The following RIMS1 variants were observed in gnomAD, a reference collection of about 807,000 sequenced individuals.
RIMS1 encodes regulating synaptic membrane exocytosis protein 1.
A neutral mutation model predicts 214.1 loss-of-function variants in RIMS1; 83 were observed. The observed-to-expected ratio is 0.39, with a 90% CI of 0.32 to 0.47. The LOEUF (loss-of-function observed/expected upper bound fraction) is 0.47, where lower values mean the gene tolerates loss of function less well. RIMS1 is among the 20% of genes least tolerant of loss of function. The pLI is 0.99. For missense variants in RIMS1, 2,050 were observed against 2,161.8 expected, an observed-to-expected ratio of 0.95 and a Z score of 1.03; for synonymous variants, 793 against 786.8, an observed-to-expected ratio of 1.01 and a Z score of -0.13.
Position 72,305,705 on chromosome 6 carries a change from G to T in RIMS1, c.3851-1553G>T, listed in dbSNP as rs563610695. On this transcript the variant is annotated intron_variant, in intron 26 of 33. Coordinates refer to ENST00000521978, the MANE Select transcript of RIMS1 (RefSeq NM_014989.7). ...AACTCCTTATATGTTGCCAAGTAAT[G>T]AATTTCTGAACCACATTGCTCAAGC... 1.4e-3 allele frequency among the ~76,000 whole-genome samples: 208 copies of T among 152,080 alleles called. 1 individual carries two copies. The highest frequency in any genetic ancestry group is 4.5e-3 in the African/African-American group (186 of 41,496).
chr6:72,102,567 T>C (rs887191314), intron 4 of RIMS1, among the ~76,000 whole-genome samples: 1 of 152,036 alleles, frequency 6.6e-6, no homozygotes, highest in Non-Finnish European at 1.5e-5. Context: ...ATAAATGATA[T>C]GTTAGTAAAT....
chr6:72,336,801 T>C (rs2096859380), intron 29 of RIMS1, among the ~76,000 whole-genome samples: 1 of 151,842 alleles, frequency 6.6e-6, no homozygotes, highest in South Asian at 2.1e-4. Context: ...TTTTAGTGCA[T>C]AGCCTGATAT....
intron 29 of RIMS1, among the ~76,000 whole-genome samples, chr6:72,377,801 T>A (rs1292674554): frequency 2.0e-5 from 3 of 152,198 alleles, no homozygotes; most frequent in Non-Finnish European, 4.4e-5. Flanking sequence ...GAATCAAAAT[T>A]CCTCTTTACA....
intron 1 of RIMS1, among the ~76,000 whole-genome samples, chr6:71,961,496 C>T (rs556672238): frequency 1.4e-4 from 21 of 152,022 alleles, no homozygotes; most frequent in Non-Finnish European, 2.8e-4. Context: ...TTCATTATAC[C>T]CTCTTTTCTC....
chr6:72,125,396 C>T (rs750915350), intron 4 of RIMS1, among the ~76,000 whole-genome samples: 32 of 152,232 alleles, frequency 2.1e-4, no homozygotes, highest in Admixed American at 7.8e-4. Flanking sequence ...AGGTGTCAGT[C>T]GACCCCTGCT....
At chr6:71,897,821 G>T (rs187732109) in intron 1 of RIMS1, among the ~76,000 whole-genome samples, 3 of 152,080 alleles carry the variant, frequency 2.0e-5, no homozygotes, top group East Asian at 3.9e-4. Context: ...ATGGATGGAT[G>T]AATGAATGAA....
At chr6:72,324,780 AT>A (rs1564060575) in intron 28 of RIMS1, among the ~76,000 whole-genome samples, 1 of 151,862 alleles carries the variant, frequency 6.6e-6, no homozygotes. Context: ...ACTGGAACAC[AT>A]CTATGCCCAT....
chr6:72,213,099 G>A (rs1313978201), intron 6 of RIMS1: 1 of 1,536,438 alleles, frequency 6.5e-7, no homozygotes, highest in Non-Finnish European at 8.7e-7. Flanking sequence ...CTCTCAAGCT[G>A]GATTTATTTC....
intron 4 of RIMS1, among the ~76,000 whole-genome samples, chr6:72,127,737 C>G (rs1434933624): frequency 6.6e-6 from 1 of 152,154 alleles, no homozygotes; most frequent in Non-Finnish European, 1.5e-5. Context: ...TTCTTCCAAC[C>G]CAGAAATCTT....
intron 2 of RIMS1, among the ~76,000 whole-genome samples, chr6:72,026,061 C>T (rs1816345900): frequency 6.6e-6 from 1 of 152,122 alleles, no homozygotes; most frequent in Non-Finnish European, 1.5e-5. Context: ...TGCATACTGT[C>T]ACTTACTTCA....
intron 1 of RIMS1, among the ~76,000 whole-genome samples, chr6:71,894,279 T>C (rs1770929264): frequency 6.6e-6 from 1 of 152,128 alleles, no homozygotes; most frequent in East Asian, 1.9e-4. Context: ...ACCCCGTCTC[T>C]ACTAAAAATA....
intron 2 of RIMS1, among the ~76,000 whole-genome samples, chr6:72,062,730 T>C (rs1828213851): frequency 6.6e-6 from 1 of 152,156 alleles, no homozygotes; most frequent in Non-Finnish European, 1.5e-5. Context: ...ATTTGGGGAT[T>C]AGCAGGGCCA....
At position 71,973,923 on chromosome 6, in the gene RIMS1, T is replaced by TAAC. The variant is rs1451173578; in HGVS notation, c.245+4860_245+4861insAAC. On this transcript the variant is annotated intron_variant, in intron 2 of 33. Transcript: ENST00000521978. Reference sequence around the variant, plus strand: ...CCCACGCAGGTTTTCCTCATGGAGTTCTAATTGGTCAGTGTAGATAGAGCA... The same window carrying TAAC: ...CCCACGCAGGTTTTCCTCATGGAGTTAACCTAATTGGTCAGTGTAGATAGAGCA... Among the ~76,000 whole-genome samples the TAAC allele has an allele frequency of 2.4e-3, 368 of 152,188 alleles. 7 individuals are homozygous for TAAC. The highest frequency in any genetic ancestry group is 0.019 in the Admixed American group (290 of 15,280).
At chr6:72,339,743 G>A (rs373114667) in intron 29 of RIMS1, among the ~76,000 whole-genome samples, 3,242 of 151,380 alleles carry the variant, frequency 0.021, 80 homozygotes, top group African/African-American at 0.059. Context: ...CGCAATAAAC[G>A]TACGTGTGCA....
intron 2 of RIMS1, among the ~76,000 whole-genome samples, chr6:71,987,577 A>G (rs1467626420): frequency 6.6e-6 from 1 of 152,166 alleles, no homozygotes; most frequent in Non-Finnish European, 1.5e-5. Context: ...TCAGTTCACA[A>G]CAAATATCAA....
intron 4 of RIMS1, among the ~76,000 whole-genome samples, chr6:72,109,930 T>A (rs1194949151): frequency 1.3e-5 from 2 of 152,130 alleles, no homozygotes; most frequent in Non-Finnish European, 2.9e-5. Context: ...GGCTAGCCAG[T>A]TTTCCCAGCA....
intron 8 of RIMS1, among the ~76,000 whole-genome samples, chr6:72,237,443 G>A (rs2064685379): frequency 6.6e-6 from 1 of 152,090 alleles, no homozygotes; most frequent in Admixed American, 6.6e-5. Context: ...GGGAGGCCGA[G>A]GCAGGAGGAC....
chr6:72,056,823 A>G (rs1476696257), intron 2 of RIMS1, among the ~76,000 whole-genome samples: 1 of 152,240 alleles, frequency 6.6e-6, no homozygotes, highest in East Asian at 1.9e-4. Flanking sequence ...TAAATAATAA[A>G]TAGATTACCT....
chr6:72,261,919 C>A (rs1288497564), intron 19 of RIMS1: 3 of 984,736 alleles, frequency 3.0e-6, no homozygotes, highest in African/African-American at 1.7e-5. Flanking sequence ...TACTGAAGGT[C>A]AAAGCATGAA....
Sources: allele counts gnomAD v4.1 joint callset (sites outside exome capture counted in the v4.1 genomes callset), GRCh38; gene constraint gnomAD v4.1.1; transcripts MANE v1.5; gene names NCBI Gene and HGNC (gene_info 2026-07-23, HGNC 2026-07-21).